Variants in DPP10 observed in about 807,000 individuals in gnomAD.
DPP10 encodes inactive dipeptidyl peptidase 10.
A neutral mutation model predicts 120.9 loss-of-function variants in DPP10; 33 were observed. The ratio of observed to expected loss-of-function variants is 0.27; its 90% confidence interval spans 0.21 to 0.37. The LOEUF (loss-of-function observed/expected upper bound fraction) is 0.37. Among genes scored for constraint, DPP10 ranks in the 10% least tolerant of loss-of-function variants. The probability of loss-of-function intolerance (pLI) is 1.00; values close to 1 mark genes in which losing one functional copy is unlikely to be tolerated. For missense variants in DPP10, 816 were observed against 942.8 expected (o/e 0.87, Z 1.76); for synonymous variants, 337 against 326.1 (o/e 1.03, Z -0.36).
intron 1 of DPP10, among the ~76,000 whole-genome samples, chr2:115,142,155 C>A (rs2050962002): frequency 6.6e-6 from 1 of 152,102 alleles, no homozygotes; most frequent in Non-Finnish European, 1.5e-5. Context: ...ATATAGACAG[C>A]CAGATAATAG....
chr2:115,784,091 A>T (rs371272618), intron 17 of DPP10, among the ~76,000 whole-genome samples: 1 of 152,208 alleles, frequency 6.6e-6, no homozygotes, highest in East Asian at 1.9e-4. Context: ...TTTCTGTCTA[A>T]GGGAAATCAT....
intron 1 of DPP10, among the ~76,000 whole-genome samples, chr2:114,578,118 G>A (rs1016635871): frequency 1.3e-5 from 2 of 152,152 alleles, no homozygotes; most frequent in South Asian, 2.1e-4. Context: ...ATAGATCTAC[G>A]GTAGATAACA....
chr2:115,618,597 T>C (rs889573774), intron 5 of DPP10, among the ~76,000 whole-genome samples: 2 of 152,226 alleles, frequency 1.3e-5, no homozygotes, highest in Admixed American at 6.5e-5. Context: ...TTGGGCTTTT[T>C]CTAAATCCAG....
chr2:115,212,079 T>A (rs1174365651), intron 1 of DPP10, among the ~76,000 whole-genome samples: 1 of 152,170 alleles, frequency 6.6e-6, no homozygotes, highest in Non-Finnish European at 1.5e-5. Flanking sequence ...CTGATGCCTT[T>A]GTCAAGTACT....
At chr2:114,476,815 T>G (rs1298087472) in intron 1 of DPP10, among the ~76,000 whole-genome samples, 2 of 152,190 alleles carry the variant, frequency 1.3e-5, no homozygotes, top group Non-Finnish European at 2.9e-5. Context: ...CATGCCTGTA[T>G]AGTCAGCACC....
At chr2:115,827,324 T>TATGTATATGTAC (rs1336764826) in intron 21 of DPP10, among the ~76,000 whole-genome samples, 25 of 146,252 alleles carry the variant, frequency 1.7e-4, no homozygotes, top group African/African-American at 5.8e-4. Flanking sequence ...TGTACATGTA[T>TATGTATATGTAC]ATGTATATGT....
intron 9 of DPP10, among the ~76,000 whole-genome samples, chr2:115,741,874 A>G (rs939652657): frequency 6.6e-6 from 1 of 152,178 alleles, no homozygotes; most frequent in Non-Finnish European, 1.5e-5. Flanking sequence ...GAGACAAACA[A>G]ACAAACCAAT....
chr2:115,005,199 A>G (rs1574678997), intron 1 of DPP10, among the ~76,000 whole-genome samples: 1 of 152,186 alleles, frequency 6.6e-6, no homozygotes, highest in Non-Finnish European at 1.5e-5. Context: ...AAGGACATCC[A>G]CACCAAAAAC....
intron 1 of DPP10, among the ~76,000 whole-genome samples, chr2:114,897,537 A>T (rs1170727414): frequency 6.6e-6 from 1 of 152,170 alleles, no homozygotes; most frequent in Non-Finnish European, 1.5e-5. Context: ...CAGCAAAAGA[A>T]ACTACCATCA....
chr2:115,205,054 T>A (rs1048123814), intron 1 of DPP10, among the ~76,000 whole-genome samples: 2 of 152,192 alleles, frequency 1.3e-5, no homozygotes, highest in Non-Finnish European at 2.9e-5. Context: ...CTGTTTACTT[T>A]GTATATAGTT....
intron 5 of DPP10, among the ~76,000 whole-genome samples, chr2:115,640,456 A>C (rs1415065752): frequency 6.6e-6 from 1 of 151,154 alleles, no homozygotes; most frequent in Non-Finnish European, 1.5e-5. Flanking sequence ...AAAAGAAAAA[A>C]AAAGAAGAAA....
At chr2:115,343,389 A>T (rs577807435) in intron 2 of DPP10, among the ~76,000 whole-genome samples, 1 of 152,300 alleles carries the variant, frequency 6.6e-6, no homozygotes, top group African/African-American at 2.4e-5. Context: ...TTAGTCATAC[A>T]TAAGTCCCTC....
intron 1 of DPP10, among the ~76,000 whole-genome samples, chr2:114,783,758 C>T (rs1682530601): frequency 6.6e-6 from 1 of 151,932 alleles, no homozygotes; most frequent in African/African-American, 2.4e-5. Context: ...TGCTTGAGCC[C>T]AGGAGGTCTA....
At chr2:115,474,397 C>T (rs189060696) in intron 3 of DPP10, among the ~76,000 whole-genome samples, 144 of 152,268 alleles carry the variant, frequency 9.5e-4, no homozygotes, top group Non-Finnish European at 1.0e-3. Flanking sequence ...TAGACCATAT[C>T]GACTTGAACT....
chr2:115,190,039 C>T (rs879353228), intron 1 of DPP10, among the ~76,000 whole-genome samples: 11 of 152,112 alleles, frequency 7.2e-5, no homozygotes, highest in African/African-American at 1.2e-4. Flanking sequence ...TAAACTCCTC[C>T]GCTTTCTGCT....
intron 1 of DPP10, among the ~76,000 whole-genome samples, chr2:114,940,127 G>A (rs1696782790): frequency 6.6e-6 from 1 of 152,116 alleles, no homozygotes; most frequent in African/African-American, 2.4e-5. Flanking sequence ...TTCATAACGT[G>A]TGTGTAACAA....
chr2:115,107,174 TA>T (rs1054010485), intron 1 of DPP10, among the ~76,000 whole-genome samples: 10 of 152,026 alleles, frequency 6.6e-5, no homozygotes, highest in Non-Finnish European at 1.5e-4. Context: ...AAGAGATATT[TA>T]AGAGACTTTT....
intron 5 of DPP10, among the ~76,000 whole-genome samples, chr2:115,530,240 G>A (rs188678489): frequency 1.3e-5 from 2 of 151,956 alleles, no homozygotes; most frequent in African/African-American, 4.8e-5. Flanking sequence ...ATTATAGGGT[G>A]TATTTGTGGG....
intron 1 of DPP10, among the ~76,000 whole-genome samples, chr2:114,957,446 G>C (rs1428949188): frequency 6.6e-6 from 1 of 152,154 alleles, no homozygotes; most frequent in East Asian, 1.9e-4. Context: ...AGTGACAACA[G>C]ATAAGTGTTG....
Sources: allele counts gnomAD v4.1 joint callset (sites outside exome capture counted in the v4.1 genomes callset), GRCh38; gene constraint gnomAD v4.1.1; transcripts MANE v1.5; gene names NCBI Gene and HGNC (gene_info 2026-07-23, HGNC 2026-07-21).